Variants in NSD1 observed in about 807,000 individuals in gnomAD.
NSD1 encodes the protein nuclear receptor binding SET domain protein 1, also known as histone-lysine N-methyltransferase, H3 lysine-36 specific.
NSD1 carries 26 observed loss-of-function variants against 242.7 expected under a neutral mutation model. That is an observed-to-expected ratio of 0.11 (90% CI 0.08 to 0.15). The LOEUF (loss-of-function observed/expected upper bound fraction) is 0.15, where lower values mean the gene tolerates loss of function less well. Ranked by LOEUF, NSD1 falls within the 10% of genes least tolerant of loss-of-function variation. The pLI, the probability that NSD1 is intolerant of heterozygous loss-of-function variation, is 1.00. For synonymous variants in NSD1, 1,106 were observed against 1,178.1 expected (o/e 0.94, Z 1.25); for missense variants, 2,495 against 3,272.8 (o/e 0.76, Z 5.80).
chr5:177,285,365 C>T (rs756131138), intron 20 of NSD1, among the ~76,000 whole-genome samples: 8 of 151,732 alleles, frequency 5.3e-5, no homozygotes, highest in Non-Finnish European at 1.5e-5. Context: ...AGATCGAGAC[C>T]ATCCTGGCTA....
chr5:177,261,163 C>T (rs1421837039), intron 14 of NSD1, among the ~76,000 whole-genome samples: 7 of 151,834 alleles, frequency 4.6e-5, no homozygotes, highest in Non-Finnish European at 8.8e-5. Context: ...CCTCCCCCAC[C>T]GGTTCAAGCG....
At chr5:177,175,371 A>G (rs1159710551) in intron 2 of NSD1, among the ~76,000 whole-genome samples, 1 of 152,054 alleles carries the variant, frequency 6.6e-6, no homozygotes, top group Non-Finnish European at 1.5e-5. Flanking sequence ...CACACCTGTA[A>G]TCTCAGCACT....
At chr5:177,147,322 G>A (rs1476634385) in intron 2 of NSD1, among the ~76,000 whole-genome samples, 4 of 152,056 alleles carry the variant, frequency 2.6e-5, no homozygotes, top group Admixed American at 6.6e-5. Context: ...GCTCAAGCTC[G>A]TCTTGAACTC....
intron 13 of NSD1, 52 bp downstream of exon 13, chr5:177,257,203 G>C: frequency 7.3e-7 from 1 of 1,364,924 alleles, no homozygotes. Flanking sequence ...AGTTTAATTG[G>C]CAACAGATAT....
Position 177,191,997 on chromosome 5 carries a change from T to G in NSD1, c.1041T>G (p.Ile347Met). ...GCAGGATTTGTTCTGATCCGTTGAT[T>G]AACACACATTCAAAAATGAAAGGTA... ...WPCRICSDPL[I>M]NTHSKMKVSN... Residue 347 changes from isoleucine to methionine, a missense_variant, in exon 3 of 23, where the codon ATT becomes ATG. By Grantham distance (10) the Ile-to-Met change is conservative. Around this residue, in one of 19 missense-constraint regions of NSD1, gnomAD observed 65 missense variants for 136.2 expected, o/e 0.48. Coordinates refer to ENST00000439151, the MANE Select transcript of NSD1 (RefSeq NM_022455.5). The G allele has an allele frequency of 6.2e-7, 1 of 1,614,164 alleles. No individual in the cohort carries two copies. Among genetic ancestry groups the G allele is most frequent in the Non-Finnish European group, 8.5e-7 (1 of 1,180,014 alleles).
At chr5:177,154,693 T>TTTA (rs759533937) in intron 2 of NSD1, among the ~76,000 whole-genome samples, 2 of 151,896 alleles carry the variant, frequency 1.3e-5, no homozygotes, top group African/African-American at 2.4e-5. Context: ...CCTTTTTAAT[T>TTTA]TTATTATTAT....
intron 2 of NSD1, among the ~76,000 whole-genome samples, chr5:177,162,291 C>T (rs762589333): frequency 1.1e-4 from 17 of 148,128 alleles, no homozygotes; most frequent in Admixed American, 6.0e-4. Context: ...GAGTGAGACT[C>T]GGTCTTAAAA....
At chr5:177,264,425 C>G (rs1757250833) in intron 14 of NSD1, among the ~76,000 whole-genome samples, 1 of 152,108 alleles carries the variant, frequency 6.6e-6, no homozygotes, top group Non-Finnish European at 1.5e-5. Flanking sequence ...CAGTTCTGAA[C>G]AGGTTATTTT....
Position 177,295,077 on chromosome 5 carries a change from T to TG in NSD1, c.7709_7710insG (p.Ser2571Ter). ...GGGGCTGAGCAGACCCCAGGGCCTC[T>TG]TAGCCAATCCCCGGGCCTGGTGAAG... On this transcript the variant is annotated frameshift_variant, in exon 23 of 23. Coordinates refer to ENST00000439151, the MANE Select transcript of NSD1 (RefSeq NM_022455.5). LOFTEE classifies it high-confidence loss of function. The surrounding 1 kb of genome is among the most constrained non-coding windows in gnomAD (Gnocchi z 4.3). 6.2e-7 allele frequency: 1 copy of TG among 1,611,956 alleles called. No homozygotes were observed. The highest frequency in any genetic ancestry group is 8.5e-7 in the Non-Finnish European group (1 of 1,178,778).
At chr5:177,284,246 T>C (rs1352382569) in intron 20 of NSD1, among the ~76,000 whole-genome samples, 1 of 152,206 alleles carries the variant, frequency 6.6e-6, no homozygotes, top group Non-Finnish European at 1.5e-5. Flanking sequence ...ACAATATTTG[T>C]CCTTTTCTGA....
Position 177,152,319 on chromosome 5 carries a change from G to GTGTATGTA in NSD1, c.927+16325_927+16332dup, listed in dbSNP as rs57114836. Among the ~76,000 whole-genome samples, 338 of 128,240 alleles carry GTGTATGTA rather than the reference G, an allele frequency of 2.6e-3. 1 individual carries two copies. The highest frequency in any genetic ancestry group is 4.0e-3 in the Middle Eastern group (1 of 252). The allele number at this position is 128,240 out of a possible 152,430, so 84.1% of individuals were successfully genotyped here. On this transcript the variant is annotated intron_variant, in intron 2 of 22. Coordinates refer to ENST00000439151, the MANE Select transcript of NSD1 (RefSeq NM_022455.5). ...CTGTGCCGAGCCAGGTTGTGTGTGT[G>GTGTATGTA]TGTATGTATGTATGTATGTATGTAT...
rs778335362 is a variant in NSD1, at chr5:177,295,504, C to A, written c.*45C>A. 6.3e-7 allele frequency: 1 copy of A among 1,586,342 alleles called. No homozygotes were observed. The highest frequency in any genetic ancestry group is 1.1e-5 in the South Asian group (1 of 89,778). On this transcript the variant is annotated 3_prime_UTR_variant, in exon 23 of 23. Transcript: ENST00000439151. The surrounding 1 kb of genome is among the most constrained non-coding windows in gnomAD (Gnocchi z 4.3). The stretch of plus-strand genomic sequence containing the variant: ...AACAAACAAGCTGCCCCCAGGGTAC[C>A]ATTTGGGGAGGGGAAATCTTTTCTT...
chr5:177,233,058 A>G (rs1209618616), intron 5 of NSD1, among the ~76,000 whole-genome samples: 1 of 152,158 alleles, frequency 6.6e-6, no homozygotes. Flanking sequence ...ACTGTTAGTG[A>G]TTTCAAGGCA....
At chr5:177,253,697 A>C (rs1190215070) in intron 12 of NSD1, among the ~76,000 whole-genome samples, 2 of 151,098 alleles carry the variant, frequency 1.3e-5, no homozygotes, top group Non-Finnish European at 2.9e-5. Context: ...CAGTGATATG[A>C]TTCTGGCTCA....
chr5:177,147,774 G>C (rs919702828), intron 2 of NSD1, among the ~76,000 whole-genome samples: 1 of 152,128 alleles, frequency 6.6e-6, no homozygotes, highest in Admixed American at 6.5e-5. Context: ...ATTTTTAGTA[G>C]AGATGGGGTT....
intron 2 of NSD1, among the ~76,000 whole-genome samples, chr5:177,174,741 TTGG>T (rs1478980019): frequency 6.8e-6 from 1 of 148,108 alleles, no homozygotes; most frequent in Non-Finnish European, 1.5e-5. Flanking sequence ...CTTTGTATTT[TTGG>T]TAGAGATGGA....
intron 5 of NSD1, among the ~76,000 whole-genome samples, chr5:177,213,384 C>T (rs575715148): frequency 1.3e-5 from 2 of 152,314 alleles, no homozygotes; most frequent in East Asian, 3.9e-4. Context: ...CAGAGTTGTG[C>T]AACAATCAGT....
At chr5:177,236,242 T>C (rs1765426698) in intron 6 of NSD1, among the ~76,000 whole-genome samples, 1 of 152,214 alleles carries the variant, frequency 6.6e-6, no homozygotes, top group South Asian at 2.1e-4. Flanking sequence ...AAGTGAAATA[T>C]ATATAGTCTG....
intron 17 of NSD1, among the ~76,000 whole-genome samples, chr5:177,274,449 A>G (rs1758191395): frequency 6.6e-6 from 1 of 152,218 alleles, no homozygotes; most frequent in Non-Finnish European, 1.5e-5. Context: ...ATTACTTTTA[A>G]TGGCAAACCT....
Sources: allele counts gnomAD v4.1 joint callset (sites outside exome capture counted in the v4.1 genomes callset), GRCh38; gene constraint gnomAD v4.1.1; regional missense constraint gnomAD v4.1.1; non-coding constraint Gnocchi (gnomAD v3.1); transcripts MANE v1.5; gene names NCBI Gene and HGNC (gene_info 2026-07-23, HGNC 2026-07-21).